Variants in CSNK1D observed in about 807,000 individuals in gnomAD.
CSNK1D encodes the protein casein kinase I isoform delta.
A neutral mutation model predicts 46.6 loss-of-function variants in CSNK1D; 16 were observed. That is an observed-to-expected ratio of 0.34 (90% confidence interval 0.23 to 0.52). CSNK1D has a LOEUF of 0.52. Among genes scored for constraint, CSNK1D ranks in the 20% least tolerant of loss-of-function variants. CSNK1D has a pLI of 0.95. For synonymous variants in CSNK1D, 276 were observed against 228.2 expected, an observed-to-expected ratio of 1.21 and a Z score of -1.89; for missense variants, 398 against 578.4, an observed-to-expected ratio of 0.69 and a Z score of 3.20.
At chr17:82,246,829 G>GACTGGCCGGGGATGAGTC in intron 8 of CSNK1D, 1 of 986,670 alleles carries the variant, frequency 1.0e-6, no homozygotes, top group Admixed American at 6.0e-5. Context: ...CGAGGAGGAA[G>GACTGGCCGGGGATGAGTC]ACTGGCCGGG....
In CSNK1D at chr17:82,248,019, CAACA is replaced by C; in HGVS notation, c.1197+852_1197+855del. 1 of 985,428 alleles carries C rather than the reference CAACA, an allele frequency of 1.0e-6. No individual in the cohort carries two copies. Among genetic ancestry groups the C allele is most frequent in the Non-Finnish European group, 1.2e-6 (1 of 829,964 alleles). 61.0% of individuals were successfully genotyped at this position (985,428 alleles called of 1,614,324 possible). A position where few individuals can be genotyped will look rare whatever the true frequency, so the allele number is the denominator to read the frequency against. ...CAGGCCTGGCTCCATCCTGTGATCC[CAACA>C]AACACCTCCCCACAAGCCCAGAGCC... On this transcript the variant is annotated intron_variant, in intron 8 of 8. Coordinates refer to ENST00000314028, the MANE Select transcript of CSNK1D (RefSeq NM_001893.6). The surrounding 1 kb of genome is among the most constrained non-coding windows in gnomAD (Gnocchi z 4.1).
In CSNK1D at chr17:82,243,311, C is replaced by A. The variant is rs1341876787; in HGVS notation, c.*1470G>T. On this transcript the variant is annotated 3_prime_UTR_variant, in exon 9 of 9. Coordinates refer to ENST00000314028, the MANE Select transcript of CSNK1D (RefSeq NM_001893.6). ...AAGCCCTAGAGTCCAAAGGGAACATCGTCCATCGTGATGGGGTCCAGCCGA... is the reference window on the plus strand; with the variant it reads ...AAGCCCTAGAGTCCAAAGGGAACATAGTCCATCGTGATGGGGTCCAGCCGA... The A allele has an allele frequency of 1.0e-6, 1 of 985,406 alleles. No individual in the cohort carries two copies. Among genetic ancestry groups the A allele is most frequent in the African/African-American group, 1.7e-5 (1 of 57,248 alleles). The allele number at this position is 985,406 out of a possible 1,614,324, so 61.0% of individuals were successfully genotyped here.
chr17:82,244,919 G>A (rs1408212533), intron 8 of CSNK1D, 88 bp from the exon 9 acceptor site: 26 of 1,566,210 alleles, frequency 1.7e-5, no homozygotes, highest in Non-Finnish European at 2.1e-5. Context: ...TGGGCAGGGA[G>A]GGGACGCACC....
chr17:82,240,015 G>A (rs763228804), downstream of CSNK1D: 63 of 1,233,796 alleles, frequency 5.1e-5, no homozygotes, highest in Non-Finnish European at 6.4e-5. Context: ...GGCAGCGGGT[G>A]CCCTGGCGGG....
At chr17:82,239,771 G>A, downstream of CSNK1D, 1 of 394,864 alleles carries the variant, frequency 2.5e-6, no homozygotes, top group Non-Finnish European at 4.5e-6. Flanking sequence ...TAAGAAACAG[G>A]ACCCTCCTGC....
At chr17:82,263,545 T>A (rs1398071814) in intron 2 of CSNK1D, among the ~76,000 whole-genome samples, 1 of 152,172 alleles carries the variant, frequency 6.6e-6, no homozygotes, top group Non-Finnish European at 1.5e-5. Flanking sequence ...AACGCACCAC[T>A]ACAAATGGCA....
intron 1 of CSNK1D, among the ~76,000 whole-genome samples, chr17:82,269,930 C>T (rs1214250288): frequency 6.6e-6 from 1 of 152,282 alleles, no homozygotes. Context: ...CAGTGGTACT[C>T]TGCCAGCATA....
At position 82,251,811 on chromosome 17, in the gene CSNK1D, A is replaced by G. The variant is rs1195209180; in HGVS notation, c.737-284T>C. 2.3e-6 allele frequency: 1 copy of G among 432,694 alleles called. No individual in the cohort carries two copies. The highest frequency in any genetic ancestry group is 4.3e-6 in the Non-Finnish European group (1 of 233,474). 26.8% of individuals were successfully genotyped at this position (432,694 alleles called of 1,614,324 possible). A position where few individuals can be genotyped will look rare whatever the true frequency, so the allele number is the denominator to read the frequency against. Reference sequence around the variant, plus strand: ...CAAGACCATCCTGGCTAACACAGTGAAACCCCATCTCTACTGAAAAAAAAA... The same window carrying G: ...CAAGACCATCCTGGCTAACACAGTGGAACCCCATCTCTACTGAAAAAAAAA... On this transcript the variant is annotated intron_variant, in intron 5 of 8. Coordinates refer to ENST00000314028, the MANE Select transcript of CSNK1D (RefSeq NM_001893.6). The surrounding 1 kb of genome is among the most constrained non-coding windows in gnomAD (Gnocchi z 4.5).
chr17:82,239,975 C>T (rs545369759), downstream of CSNK1D: 14 of 1,233,506 alleles, frequency 1.1e-5, no homozygotes, highest in South Asian at 2.9e-4. Context: ...CGCCGGGGCC[C>T]TCAGTAGGTG....
In CSNK1D at chr17:82,244,138, G is replaced by GCACA; in HGVS notation, c.*639_*642dup. 1 of 997,598 alleles carries GCACA rather than the reference G, an allele frequency of 1.0e-6. No homozygotes were observed. Among genetic ancestry groups the GCACA allele is most frequent in the Non-Finnish European group, 1.2e-6 (1 of 836,258 alleles). The allele number at this position is 997,598 out of a possible 1,614,324, so 61.8% of individuals were successfully genotyped here. ...GTTGAAGAGGTCCCACCACACACGG[G>GCACA]CACACACACACACCACGGACTTTTG... On this transcript the variant is annotated 3_prime_UTR_variant, in exon 9 of 9. Coordinates refer to ENST00000314028, the MANE Select transcript of CSNK1D (RefSeq NM_001893.6).
intron 8 of CSNK1D, chr17:82,245,419 G>A: frequency 4.6e-6 from 1 of 215,182 alleles, no homozygotes; most frequent in Non-Finnish European, 9.5e-6. Context: ...AGACGGCTGG[G>A]CAGAGACCAA....
rs947589842 is a variant in CSNK1D, at chr17:82,242,862, C to T, written c.*1919G>A. The T allele has an allele frequency of 2.0e-5, 20 of 985,300 alleles. No homozygotes were observed. In the African/African-American group the frequency reaches 2.1e-4, roughly 10 times the overall value. The allele number at this position is 985,300 out of a possible 1,614,324, so 61.0% of individuals were successfully genotyped here. ...TCACAAGCACTCCGAAGACGCGACC[C>T]GGCGAGGCTCGGGCTGGAACCCGGG... On this transcript the variant is annotated 3_prime_UTR_variant, in exon 9 of 9. Transcript: ENST00000314028.
Position 82,251,601 on chromosome 17 carries a change from T to C in CSNK1D, c.737-74A>G, listed in dbSNP as rs1599587326. The C allele has an allele frequency of 6.8e-7, 1 of 1,476,950 alleles. No homozygotes were observed. Among genetic ancestry groups the C allele is most frequent in the East Asian group, 2.3e-5 (1 of 43,810 alleles). 91.5% of individuals were successfully genotyped at this position (1,476,950 alleles called of 1,614,324 possible). A position where few individuals can be genotyped will look rare whatever the true frequency, so the allele number is the denominator to read the frequency against. Reference sequence around the variant, plus strand: ...CAAGGTGTCTCTGCCAACGTCGCTGTCTACCTCCTGCTGCTGCACACTCAA... The same window carrying C: ...CAAGGTGTCTCTGCCAACGTCGCTGCCTACCTCCTGCTGCTGCACACTCAA... On this transcript the variant is annotated intron_variant, in intron 5 of 8. Transcript: ENST00000314028. This position sits in a 1 kb window ranked among gnomAD's most constrained non-coding sequence, Gnocchi z 4.5.
intron 8 of CSNK1D, chr17:82,246,585 C>G (rs2050855671): frequency 9.8e-7 from 1 of 1,024,888 alleles, no homozygotes; most frequent in Non-Finnish European, 1.2e-6. Flanking sequence ...CACCAACAGC[C>G]CGAAAAGAGA....
Position 82,273,401 on chromosome 17 carries a change from G to T in CSNK1D, c.-20C>A. The T allele has an allele frequency of 6.2e-7, 1 of 1,610,040 alleles. No homozygotes were observed. Among genetic ancestry groups the T allele is most frequent in the African/African-American group, 1.3e-5 (1 of 74,716 alleles). On this transcript the variant is annotated 5_prime_UTR_variant, in exon 1 of 9. Coordinates refer to ENST00000314028, the MANE Select transcript of CSNK1D (RefSeq NM_001893.6). This position sits in a 1 kb window ranked among gnomAD's most constrained non-coding sequence, Gnocchi z 5.1. ...CTCCATGGCGGCGGCGGCCCGATTC[G>T]CTCCTGCCCTCCCGGCCGCTTCCTG...
chr17:82,259,225 A>G (rs992391161), intron 2 of CSNK1D, among the ~76,000 whole-genome samples: 1 of 152,224 alleles, frequency 6.6e-6, no homozygotes, highest in African/African-American at 2.4e-5. Context: ...TGTAAGCATT[A>G]TGTTTTAAAT....
downstream of CSNK1D, among the ~76,000 whole-genome samples, chr17:82,240,327 G>A (rs2050725201): frequency 6.6e-6 from 1 of 152,008 alleles, no homozygotes; most frequent in Admixed American, 6.5e-5. Flanking sequence ...AGACGAGGAG[G>A]CAGGGAGCAG....
downstream of CSNK1D, chr17:82,239,866 T>C (rs2050716058): frequency 5.1e-6 from 3 of 587,408 alleles, no homozygotes; most frequent in Non-Finnish European, 7.5e-6. Context: ...CTGTCCTCCA[T>C]CCAGCCCGGC....
At chr17:82,265,948 C>G (rs1481217247) in intron 1 of CSNK1D, 152 bp from the exon 2 acceptor site, 1 of 733,366 alleles carries the variant, frequency 1.4e-6, no homozygotes, top group Non-Finnish European at 2.5e-6. Context: ...GGCTAATCGG[C>G]TGACACATCT....
Sources: allele counts gnomAD v4.1 joint callset (sites outside exome capture counted in the v4.1 genomes callset), GRCh38; gene constraint gnomAD v4.1.1; non-coding constraint Gnocchi (gnomAD v3.1); transcripts MANE v1.5; gene names NCBI Gene and HGNC (gene_info 2026-07-23, HGNC 2026-07-21).